Variants in TRPM7 observed in about 807,000 individuals in gnomAD.
The protein encoded by TRPM7 is transient receptor potential cation channel subfamily M member 7.
TRPM7 carries 134 observed loss-of-function variants against 229.7 expected under a neutral mutation model. The ratio of observed to expected loss-of-function variants is 0.58; its 90% CI spans 0.51 to 0.67. TRPM7 has a LOEUF of 0.67. Among genes scored for constraint, TRPM7 ranks in the 30% least tolerant of loss-of-function variants. The pLI is 0.00. For missense variants in TRPM7, 1,901 were observed against 2,210.0 expected (o/e 0.86, Z 2.80); for synonymous variants, 699 against 715.2 (o/e 0.98, Z 0.36).
chr15:50,594,424 C>G lies in TRPM7; in HGVS notation c.3475+5G>C. The stretch of plus-strand genomic sequence containing the variant: ...AAAACATTTGCCTTAATATAGTTTA[C>G]TTACTTGGTCCATCGGAAGTCTTAT... On this transcript the variant is annotated splice_donor_5th_base_variant and intron_variant, in intron 24 of 38. Transcript: ENST00000646667. 1 of 1,602,018 alleles carries G rather than the reference C, an allele frequency of 6.2e-7. No individual in the cohort carries two copies. Among genetic ancestry groups the G allele is most frequent in the Non-Finnish European group, 8.5e-7 (1 of 1,174,840 alleles).
chr15:50,651,629 C>A (rs2061421926), intron 3 of TRPM7, among the ~76,000 whole-genome samples: 1 of 151,740 alleles, frequency 6.6e-6, no homozygotes, highest in African/African-American at 2.4e-5. Context: ...GACTCTGTCT[C>A]TAAACGAAAA....
chr15:50,641,223 C>T (rs1221149688), intron 5 of TRPM7, among the ~76,000 whole-genome samples: 2 of 149,442 alleles, frequency 1.3e-5, no homozygotes, highest in East Asian at 2.1e-4. Flanking sequence ...ATGCTTATAA[C>T]GGTCCCCAAG....
intron 1 of TRPM7, among the ~76,000 whole-genome samples, chr15:50,674,470 AT>A (rs1230786644): frequency 1.3e-5 from 2 of 152,158 alleles, no homozygotes; most frequent in Non-Finnish European, 2.9e-5. Flanking sequence ...GTCACAATGT[AT>A]ATGTTTTTGT....
intron 13 of TRPM7, among the ~76,000 whole-genome samples, chr15:50,619,218 T>C (rs1463583846): frequency 6.7e-6 from 1 of 149,750 alleles, no homozygotes; most frequent in Non-Finnish European, 1.5e-5. Flanking sequence ...CAACAGCTTT[T>C]TTTTCTTTTT....
intron 1 of TRPM7, among the ~76,000 whole-genome samples, chr15:50,677,248 T>C (rs772749222): frequency 6.6e-6 from 1 of 152,006 alleles, no homozygotes. Flanking sequence ...TCTAAGGACA[T>C]AAATCCTATC....
chr15:50,686,218 G>A (rs533279272), intron 1 of TRPM7, among the ~76,000 whole-genome samples: 1 of 152,344 alleles, frequency 6.6e-6, no homozygotes, highest in African/African-American at 2.4e-5. Context: ...CGCTGAGGCC[G>A]CTCAGCTGAG....
chr15:50,595,030 CCT>C (rs1002796472), intron 23 of TRPM7, among the ~76,000 whole-genome samples: 18 of 151,684 alleles, frequency 1.2e-4, no homozygotes, highest in African/African-American at 3.9e-4. Context: ...ATAGTGAGAC[CCT>C]GTCTATTTAA....
At chr15:50,637,357 T>C in intron 7 of TRPM7, 65 bp downstream of exon 7, 1 of 1,453,798 alleles carries the variant, frequency 6.9e-7, no homozygotes, top group Non-Finnish European at 9.4e-7. Context: ...TCTACTTTCT[T>C]TGAATTTGGC....
chr15:50,587,510 C>A (rs1273066101), intron 27 of TRPM7, among the ~76,000 whole-genome samples: 1 of 145,260 alleles, frequency 6.9e-6, no homozygotes, highest in Non-Finnish European at 1.5e-5. Context: ...CAGAAACTTG[C>A]AATGTCTTGT....
rs2059709847 is a variant in TRPM7, at chr15:50,599,137, C to A, written c.3148G>T (p.Ala1050Ser). 1 of 1,607,310 alleles carries A rather than the reference C, an allele frequency of 6.2e-7. No individual in the cohort carries two copies. The highest frequency in any genetic ancestry group is 1.3e-5 in the African/African-American group (1 of 74,652). The change falls in exon 22 of 39, where the codon GCA (alanine) becomes TCA (serine). Residue 1050 changes from alanine (A) to serine (S), a missense_variant. Coordinates refer to ENST00000646667, the MANE Select transcript of TRPM7 (RefSeq NM_017672.6). ...CAATTCTTACCATCAATTTCGTATG[C>A]ATAAACTTCACCAAAAATCATCCAG... ...PYWMIFGEVY[A>S]YEIDVCANDS...
intron 31 of TRPM7, among the ~76,000 whole-genome samples, chr15:50,577,287 C>G (rs1046671648): frequency 1.3e-5 from 2 of 152,008 alleles, no homozygotes; most frequent in African/African-American, 2.4e-5. Flanking sequence ...CGGTGGCTCT[C>G]GCCTGTAATC....
At chr15:50,635,318 TAAAAAAAAAAAAAA>T (rs71124393) in intron 7 of TRPM7, among the ~76,000 whole-genome samples, 1 of 42,916 alleles carries the variant, frequency 2.3e-5, no homozygotes, top group African/African-American at 9.5e-5. Context: ...CTCCCTCACA[TAAAAAAAAAAAAAA>T]AAAAAAAAAA....
intron 16 of TRPM7, among the ~76,000 whole-genome samples, chr15:50,611,628 A>T (rs1333590912): frequency 1.3e-5 from 2 of 152,234 alleles, no homozygotes; most frequent in Non-Finnish European, 2.9e-5. Flanking sequence ...CTCTGTTCAA[A>T]AAAGTTTATG....
rs10553093 is a variant in TRPM7, at chr15:50,678,506, TAAAA to T, written c.3+8021_3+8024del. ...GACCCTACTCTCTAGTTCCATTCTTTAAAAAAAAAAAATATATATATATATATAT... is the reference window on the plus strand; with the variant it reads ...GACCCTACTCTCTAGTTCCATTCTTTAAAAAAAATATATATATATATATAT... On this transcript the variant is annotated intron_variant, in intron 1 of 38. Transcript: ENST00000646667. 5.2e-3 allele frequency among the ~76,000 whole-genome samples: 672 copies of T among 128,730 alleles called. 2 individuals carry two copies. The highest frequency in any genetic ancestry group is 0.018 in the Admixed American group (232 of 12,556). The allele number at this position is 128,730 out of a possible 152,430, so 84.5% of individuals were successfully genotyped here.
chr15:50,600,265 T>C (rs2059742255), intron 21 of TRPM7, among the ~76,000 whole-genome samples: 1 of 152,020 alleles, frequency 6.6e-6, no homozygotes, highest in African/African-American at 2.4e-5. Context: ...GGTGAAACCC[T>C]GTGTCTACTA....
chr15:50,625,720 A>C (rs2060538895), intron 11 of TRPM7, among the ~76,000 whole-genome samples: 1 of 152,184 alleles, frequency 6.6e-6, no homozygotes, highest in Non-Finnish European at 1.5e-5. Flanking sequence ...GTATATACTG[A>C]TGAAATGTAT....
At chr15:50,613,592 C>A in intron 15 of TRPM7, 115 bp downstream of exon 15, 1 of 900,450 alleles carries the variant, frequency 1.1e-6, no homozygotes, top group South Asian at 2.8e-5. Context: ...AGGACATATC[C>A]AAAAACGAAA....
At chr15:50,591,264 T>C (rs2059485303) in intron 26 of TRPM7, among the ~76,000 whole-genome samples, 1 of 152,132 alleles carries the variant, frequency 6.6e-6, no homozygotes, top group Non-Finnish European at 1.5e-5. Flanking sequence ...GTAAAAAAAT[T>C]ATATGGTCAT....
rs2062106516 is a variant in TRPM7 at position 50,676,904 on chromosome 15, A to T, written c.3+9627T>A. On this transcript the variant is annotated intron_variant, in intron 1 of 38. Coordinates refer to ENST00000646667, the MANE Select transcript of TRPM7 (RefSeq NM_017672.6). ...ACACAAATCTCTCACTGACCCATGA[A>T]GATCGTACACATGGGGCAGCCTCCA... 2.0e-5 allele frequency among the ~76,000 whole-genome samples: 3 copies of T among 152,168 alleles called. No homozygotes were observed. In the South Asian group the frequency reaches 6.2e-4, roughly 32 times the overall value.
Sources: allele counts gnomAD v4.1 joint callset (sites outside exome capture counted in the v4.1 genomes callset), GRCh38; gene constraint gnomAD v4.1.1; transcripts MANE v1.5; gene names NCBI Gene and HGNC (gene_info 2026-07-23, HGNC 2026-07-21).